PDE8A: variants seen among roughly 807,000 people sequenced by gnomAD.
PDE8A encodes the protein high affinity cAMP-specific and IBMX-insensitive 3',5'-cyclic phosphodiesterase 8A.
Under a neutral mutation model 105.0 loss-of-function variants are expected in PDE8A, and 59 were observed. The ratio of observed to expected loss-of-function variants is 0.56; its 90% CI spans 0.46 to 0.70. The LOEUF is 0.70. PDE8A is among the 30% of genes least tolerant of loss of function. The probability of loss-of-function intolerance (pLI) is 0.00; values close to 1 mark genes in which losing one functional copy is unlikely to be tolerated. For synonymous variants in PDE8A, 355 were observed against 371.9 expected, an observed-to-expected ratio of 0.95 and a Z score of 0.52; for missense variants, 1,014 against 1,045.9, an observed-to-expected ratio of 0.97 and a Z score of 0.42.
chr15:85,099,604 C>T (rs551320341), intron 9 of PDE8A, among the ~76,000 whole-genome samples: 22 of 152,320 alleles, frequency 1.4e-4, no homozygotes, highest in Admixed American at 3.9e-4. Flanking sequence ...AACCTCAACT[C>T]CCAGTGTGGC....
chr15:85,118,546 A>C (rs2082131748), intron 17 of PDE8A, among the ~76,000 whole-genome samples: 2 of 152,182 alleles, frequency 1.3e-5, no homozygotes, highest in South Asian at 4.1e-4. Flanking sequence ...GAAACAGCAT[A>C]CCTGATATTG....
Position 84,993,442 on chromosome 15 carries a change from C to CAAAA in PDE8A, c.186+11114_186+11117dup, listed in dbSNP as rs11362736. Among the ~76,000 whole-genome samples the CAAAA allele has an allele frequency of 2.3e-3, 168 of 73,010 alleles. 2 individuals carry two copies. Among genetic ancestry groups the CAAAA allele is most frequent in the Middle Eastern group, 0.01 (1 of 96 alleles). The allele number at this position is 73,010 out of a possible 152,430, so 47.9% of individuals were successfully genotyped here. A position where few individuals can be genotyped will look rare whatever the true frequency, so the allele number is the denominator to read the frequency against. Reference sequence around the variant, plus strand: ...TGGGCGACAGAGCGAGACTCCATCTCAAAAAAAAAAAAAAAAAAAAAAAGA... The same window carrying CAAAA: ...TGGGCGACAGAGCGAGACTCCATCTCAAAAAAAAAAAAAAAAAAAAAAAAAAAGA... On this transcript the variant is annotated intron_variant, in intron 1 of 21. Transcript: ENST00000394553.
At chr15:85,010,727 G>C (rs907779426) in intron 1 of PDE8A, among the ~76,000 whole-genome samples, 6 of 152,136 alleles carry the variant, frequency 3.9e-5, no homozygotes, top group African/African-American at 1.4e-4. Context: ...TTTTAATTAG[G>C]GTTAGTAGGA....
intron 1 of PDE8A, among the ~76,000 whole-genome samples, chr15:84,994,054 T>G (rs1048201622): frequency 2.6e-5 from 4 of 152,210 alleles, no homozygotes; most frequent in Non-Finnish European, 5.9e-5. Context: ...GTCCTCCGTG[T>G]CTCTTCACTT....
At chr15:85,095,634 G>T (rs1404573731) in intron 8 of PDE8A, among the ~76,000 whole-genome samples, 1 of 152,042 alleles carries the variant, frequency 6.6e-6, no homozygotes, top group African/African-American at 2.4e-5. Context: ...GTGAGCCACT[G>T]TGCCCAGCTG....
At chr15:85,100,669 A>G (rs918431229) in intron 11 of PDE8A, among the ~76,000 whole-genome samples, 1 of 152,210 alleles carries the variant, frequency 6.6e-6, no homozygotes, top group Non-Finnish European at 1.5e-5. Context: ...TTCTTACTGC[A>G]AATGCATTTC....
chr15:85,128,985 T>C (rs2082295336), intron 20 of PDE8A, among the ~76,000 whole-genome samples: 1 of 152,210 alleles, frequency 6.6e-6, no homozygotes, highest in Non-Finnish European at 1.5e-5. Flanking sequence ...TCTTTTTTCT[T>C]CCTTTTTTAT....
intron 1 of PDE8A, among the ~76,000 whole-genome samples, chr15:84,987,008 C>T (rs951030169): frequency 7.2e-5 from 11 of 151,952 alleles, no homozygotes; most frequent in African/African-American, 2.7e-4. Context: ...GGTCTTTGAC[C>T]CTTGCTAGAT....
chr15:85,097,198 T>C (rs987288088), intron 8 of PDE8A, among the ~76,000 whole-genome samples: 1 of 152,140 alleles, frequency 6.6e-6, no homozygotes, highest in African/African-American at 2.4e-5. Context: ...ATTCATAACA[T>C]TTTAGGACGG....
At chr15:85,108,245 T>C (rs2081973521) in intron 11 of PDE8A, among the ~76,000 whole-genome samples, 1 of 152,210 alleles carries the variant, frequency 6.6e-6, no homozygotes, top group Admixed American at 6.5e-5. Flanking sequence ...ATTCGGATCC[T>C]GTACATGAGC....
At chr15:85,137,257 G>A (rs1175634546) in intron 21 of PDE8A, among the ~76,000 whole-genome samples, 1 of 152,214 alleles carries the variant, frequency 6.6e-6, no homozygotes, top group Non-Finnish European at 1.5e-5. Context: ...CGGCTGGGGA[G>A]AAGGACTGAA....
chr15:85,102,923 T>C (rs1194475301), intron 11 of PDE8A, among the ~76,000 whole-genome samples: 1 of 151,042 alleles, frequency 6.6e-6, no homozygotes, highest in Admixed American at 6.6e-5. Context: ...AAACTGAGGC[T>C]CAGAAAAGTT....
chr15:85,095,309 G>A (rs951787422), intron 8 of PDE8A, among the ~76,000 whole-genome samples: 1 of 152,022 alleles, frequency 6.6e-6, no homozygotes, highest in Admixed American at 6.5e-5. Context: ...AGTACTCTAA[G>A]GTTGTACTAT....
chr15:85,016,379 G>A (rs540278777), intron 1 of PDE8A, among the ~76,000 whole-genome samples: 1 of 129,036 alleles, frequency 7.7e-6, no homozygotes, highest in South Asian at 2.8e-4. Flanking sequence ...AATAAATTCA[G>A]TTTAATCTTT....
At position 85,036,804 on chromosome 15, in the gene PDE8A, G is replaced by A. The variant is rs975677674; in HGVS notation, c.187-27566G>A. On this transcript the variant is annotated intron_variant, in intron 1 of 21. Coordinates refer to ENST00000394553, the MANE Select transcript of PDE8A (RefSeq NM_002605.3). ...GACATCACAAAAATGCTTTTTTAGA[G>A]AAAGAGCTTTAAACATCCATCAGGC... Among the ~76,000 whole-genome samples the A allele has an allele frequency of 5.3e-5, 8 of 152,262 alleles. No homozygotes were observed. In the Middle Eastern group the frequency reaches 0.017, roughly 324 times the overall value.
chr15:85,045,389 T>C (rs1374625257), intron 1 of PDE8A, among the ~76,000 whole-genome samples: 2 of 151,908 alleles, frequency 1.3e-5, no homozygotes, highest in Non-Finnish European at 2.9e-5. Context: ...CTTTTCCTAA[T>C]AGAGCATGAA....
chr15:84,999,618 A>G (rs1368192450), intron 1 of PDE8A, among the ~76,000 whole-genome samples: 1 of 151,374 alleles, frequency 6.6e-6, no homozygotes, highest in East Asian at 2.0e-4. Flanking sequence ...CTCTGTCGCC[A>G]GGCTGGAGTT....
chr15:85,106,383 C>T (rs866604870), intron 11 of PDE8A, among the ~76,000 whole-genome samples: 5 of 152,296 alleles, frequency 3.3e-5, no homozygotes, highest in Non-Finnish European at 2.9e-5. Context: ...TGACCATCTC[C>T]TTTCGAGTTC....
chr15:85,048,994 C>A (rs542226149), intron 1 of PDE8A, among the ~76,000 whole-genome samples: 12 of 152,130 alleles, frequency 7.9e-5, no homozygotes, highest in African/African-American at 2.9e-4. Context: ...CCTGGCTACT[C>A]GGGAGGCTGA....
Sources: gnomAD v4.1 joint callset for allele counts (sites outside exome capture counted in the v4.1 genomes callset) on GRCh38, gnomAD v4.1.1 for gene constraint, MANE v1.5 for transcripts, NCBI Gene and HGNC (gene_info 2026-07-23, HGNC 2026-07-21) for gene names.